Variants in ZCCHC7 observed in about 807,000 individuals in gnomAD.
ZCCHC7 encodes the protein zinc finger CCHC domain-containing protein 7.
ZCCHC7 carries 35 observed loss-of-function variants against 52.0 expected under a neutral mutation model. The observed-to-expected ratio is 0.67, with a 90% confidence interval of 0.51 to 0.89. The LOEUF (loss-of-function observed/expected upper bound fraction) is 0.89, where lower values mean the gene tolerates loss of function less well. Ranked by LOEUF, ZCCHC7 falls within the 40% of genes least tolerant of loss-of-function variation. The probability of loss-of-function intolerance (pLI) is 0.00; values close to 1 mark genes in which losing one functional copy is unlikely to be tolerated. For missense variants in ZCCHC7, 574 were observed against 649.1 expected (o/e 0.88, Z 1.26); for synonymous variants, 217 against 221.5 (o/e 0.98, Z 0.18).
Position 37,125,936 on chromosome 9 carries a change from T to G in ZCCHC7, c.-21-376T>G, listed in dbSNP as rs138669853. ...TGGCACCGTTACATGCTGTATTGGTTTGTATCCTAGGAGCAATAGACCATA... is the reference window on the plus strand; with the variant it reads ...TGGCACCGTTACATGCTGTATTGGTGTGTATCCTAGGAGCAATAGACCATA... On this transcript the variant is annotated intron_variant, in intron 1 of 8. Coordinates refer to ENST00000336755, the MANE Select transcript of ZCCHC7 (RefSeq NM_032226.3). Among the ~76,000 whole-genome samples, 1,513 of 152,366 alleles carry G rather than the reference T, an allele frequency of 9.9e-3. 12 individuals are homozygous for G. Among genetic ancestry groups the G allele is most frequent in the Non-Finnish European group, 0.014 (926 of 68,030 alleles).
At position 37,357,066 on chromosome 9, in the gene ZCCHC7, C is replaced by G. The variant is rs1304390214; in HGVS notation, c.1430C>G (p.Pro477Arg). 2 of 1,613,564 alleles carry G rather than the reference C, an allele frequency of 1.2e-6. No individual in the cohort carries two copies. The highest frequency in any genetic ancestry group is 1.3e-5 in the African/African-American group (1 of 74,782). Reference protein sequence around the residue: ...REVDEDFPRGPKTYSSPGSFK... With the variant: ...REVDEDFPRGRKTYSSPGSFK... ...GTGGATGAGGATTTTCCCAGGGGCC[C>G]CAAAACCTACTCTTCTCCTGGCAGT... Residue 477 changes from proline (P) to arginine (R), a missense_variant, in exon 9 of 9, where the codon CCC becomes CGC. This residue lies in a region of ZCCHC7 where 168 missense variants were observed against 171.6 expected (regional missense o/e 0.98). Coordinates refer to ENST00000336755, the MANE Select transcript of ZCCHC7 (RefSeq NM_032226.3).
intron 2 of ZCCHC7, among the ~76,000 whole-genome samples, chr9:37,206,914 C>T (rs1359707260): frequency 6.6e-6 from 1 of 151,454 alleles, no homozygotes; most frequent in African/African-American, 2.4e-5. Flanking sequence ...TCTCTTGAGG[C>T]TAGGAGTTTG....
intron 2 of ZCCHC7, among the ~76,000 whole-genome samples, chr9:37,167,876 G>A (rs1821513674): frequency 6.6e-6 from 1 of 152,146 alleles, no homozygotes. Flanking sequence ...CCATCCCTGT[G>A]TGAATGCCTG....
At chr9:37,252,290 T>C (rs528102620) in intron 2 of ZCCHC7, among the ~76,000 whole-genome samples, 354 of 152,296 alleles carry the variant, frequency 2.3e-3, no homozygotes, top group Middle Eastern at 0.02. Context: ...GTAGATAGCA[T>C]TGAGTGCAGG....
chr9:37,193,146 T>A (rs1823104614), intron 2 of ZCCHC7, among the ~76,000 whole-genome samples: 1 of 152,206 alleles, frequency 6.6e-6, no homozygotes, highest in East Asian at 1.9e-4. Flanking sequence ...AAAGTGAAAT[T>A]GTTTTTCAAT....
At chr9:37,178,961 T>G (rs75005229) in intron 2 of ZCCHC7, among the ~76,000 whole-genome samples, 7,735 of 152,300 alleles carry the variant, frequency 0.051, 641 homozygotes, top group African/African-American at 0.17. Context: ...TCTCTTCTTG[T>G]TAAAGTGTTT....
rs1588401080 is a variant in ZCCHC7, at chr9:37,160,740, G to A, written c.610+33798G>A. ...GTCTGTACTCAAAATACAAAAATTA[G>A]CCGGGTGTAGTAGCTGGTGCCGGTA... On this transcript the variant is annotated intron_variant, in intron 2 of 8. Transcript: ENST00000336755. Among the ~76,000 whole-genome samples the A allele has an allele frequency of 2.0e-5, 3 of 152,082 alleles. No individual in the cohort carries two copies. In the Middle Eastern group the frequency reaches 0.01, roughly 521 times the overall value.
At chr9:37,261,748 T>C (rs1826876113) in intron 2 of ZCCHC7, among the ~76,000 whole-genome samples, 1 of 152,254 alleles carries the variant, frequency 6.6e-6, no homozygotes, top group Non-Finnish European at 1.5e-5. Flanking sequence ...AATTACCTTT[T>C]AACCATTTAT....
intron 2 of ZCCHC7, among the ~76,000 whole-genome samples, chr9:37,243,100 T>G (rs574861930): frequency 6.6e-6 from 1 of 151,982 alleles, no homozygotes; most frequent in East Asian, 1.9e-4. Context: ...TTTAAGTTTT[T>G]TGGCTAAAAC....
intron 2 of ZCCHC7, among the ~76,000 whole-genome samples, chr9:37,211,994 T>G (rs1376713818): frequency 8.8e-6 from 1 of 114,182 alleles, no homozygotes; most frequent in Non-Finnish European, 1.6e-5. Context: ...GCCACTGCAC[T>G]CCAGCCTGGG....
At chr9:37,303,655 CTT>C (rs74182940) in intron 3 of ZCCHC7, among the ~76,000 whole-genome samples, 3 of 56,752 alleles carry the variant, frequency 5.3e-5, no homozygotes, top group African/African-American at 2.4e-4. Flanking sequence ...TTTTCTACCT[CTT>C]TTTTTTTTTT....
chr9:37,316,067 CAG>C (rs1829805852), intron 5 of ZCCHC7, among the ~76,000 whole-genome samples: 1 of 150,084 alleles, frequency 6.7e-6, no homozygotes, highest in South Asian at 2.1e-4. Context: ...GTTTTTGAGA[CAG>C]AGTCTCACTC....
At chr9:37,162,280 C>T (rs1821148424) in intron 2 of ZCCHC7, among the ~76,000 whole-genome samples, 1 of 151,920 alleles carries the variant, frequency 6.6e-6, no homozygotes, top group Admixed American at 6.6e-5. Context: ...TGTACAGTTT[C>T]ATAGGTTTTA....
intron 5 of ZCCHC7, 110 bp downstream of exon 5, chr9:37,305,824 C>G: frequency 1.9e-6 from 2 of 1,042,598 alleles, no homozygotes; most frequent in Non-Finnish European, 2.7e-6. Context: ...GGAATGTTTA[C>G]TCCGTGAGAT....
chr9:37,356,730 G>T (rs1419326082), intron 8 of ZCCHC7, 105 bp from the exon 9 acceptor site: 10 of 1,086,066 alleles, frequency 9.2e-6, no homozygotes, highest in African/African-American at 3.2e-5. Context: ...CTGTTAACAT[G>T]TTTAAATATC....
intron 6 of ZCCHC7, among the ~76,000 whole-genome samples, chr9:37,330,831 A>G (rs918564809): frequency 6.6e-6 from 1 of 151,376 alleles, no homozygotes; most frequent in Non-Finnish European, 1.5e-5. Flanking sequence ...TCTCATTTAT[A>G]TTAAAAATCC....
At chr9:37,235,535 CCCCCT>C (rs1246801186) in intron 2 of ZCCHC7, among the ~76,000 whole-genome samples, 134 of 78,018 alleles carry the variant, frequency 1.7e-3, no homozygotes, top group African/African-American at 2.4e-3. Context: ...CCTTCCCCTC[CCCCCT>C]CCCCTCCCCT....
chr9:37,131,103 G>T (rs1001168783), intron 2 of ZCCHC7, among the ~76,000 whole-genome samples: 1 of 151,958 alleles, frequency 6.6e-6, no homozygotes, highest in Non-Finnish European at 1.5e-5. Flanking sequence ...CACTTTGGGA[G>T]GCCGAGGCAG....
intron 2 of ZCCHC7, among the ~76,000 whole-genome samples, chr9:37,219,017 T>C (rs1197837367): frequency 6.6e-6 from 1 of 150,978 alleles, no homozygotes; most frequent in Non-Finnish European, 1.5e-5. Context: ...TGAGCCAAGA[T>C]TGCACCACTG....
Sources: allele counts gnomAD v4.1 joint callset (sites outside exome capture counted in the v4.1 genomes callset), GRCh38; gene constraint gnomAD v4.1.1; regional missense constraint gnomAD v4.1.1; transcripts MANE v1.5; gene names NCBI Gene and HGNC (gene_info 2026-07-23, HGNC 2026-07-21).